SUPT20H: variants seen among roughly 807,000 people sequenced by gnomAD.
SUPT20H encodes the protein transcription factor SPT20 homolog.
A neutral mutation model predicts 122.8 loss-of-function variants in SUPT20H; 82 were observed. The ratio of observed to expected loss-of-function variants is 0.67; its 90% CI spans 0.56 to 0.80. The LOEUF is 0.80. Ranked by LOEUF, SUPT20H falls within the 30% of genes least tolerant of loss-of-function variation. The probability of loss-of-function intolerance (pLI) is 0.00; values close to 1 mark genes in which losing one functional copy is unlikely to be tolerated. For synonymous variants in SUPT20H, 291 were observed against 313.0 expected, an observed-to-expected ratio of 0.93 and a Z score of 0.74; for missense variants, 831 against 921.6, an observed-to-expected ratio of 0.90 and a Z score of 1.27.
Position 37,037,842 on chromosome 13 carries a change from T to C in SUPT20H, c.567+2563A>G, listed in dbSNP as rs574493598. 6.4e-4 allele frequency among the ~76,000 whole-genome samples: 97 copies of C among 152,132 alleles called. 2 individuals carry two copies. Among genetic ancestry groups the C allele is most frequent in the African/African-American group, 2.3e-3 (95 of 41,522 alleles). On this transcript the variant is annotated intron_variant, in intron 9 of 25. Coordinates refer to ENST00000350612, the MANE Select transcript of SUPT20H (RefSeq NM_001014286.3). ...TGAAATATCTTGATAACTAAGGCTA[T>C]TTTTTTTAAAAAAGTGAATCAATTA...
At chr13:37,013,831 G>C (rs771935047) in intron 23 of SUPT20H, 2 of 151,972 alleles carry the variant, frequency 1.3e-5, no homozygotes, top group Non-Finnish European at 1.5e-5. Flanking sequence ...ACACATTATT[G>C]AATTTGGAAC....
intron 22 of SUPT20H, among the ~76,000 whole-genome samples, chr13:37,017,929 A>G (rs189779913): frequency 2.6e-3 from 401 of 152,310 alleles, no homozygotes; most frequent in Non-Finnish European, 4.7e-3. Flanking sequence ...ATTAAAAAAC[A>G]ATTTTTAAAG....
intron 21 of SUPT20H, among the ~76,000 whole-genome samples, chr13:37,020,614 T>C (rs1192647823): frequency 2.0e-5 from 3 of 152,322 alleles, no homozygotes. Context: ...GGCACACTTA[T>C]GCTTATTAAA....
At chr13:37,027,298 CTG>C (rs1338972327) in intron 14 of SUPT20H, among the ~76,000 whole-genome samples, 2 of 151,516 alleles carry the variant, frequency 1.3e-5, no homozygotes, top group African/African-American at 4.8e-5. Flanking sequence ...CAGAAATAAA[CTG>C]TTGTGATGTC....
chr13:37,014,778 T>TA (rs2060154015), intron 23 of SUPT20H, among the ~76,000 whole-genome samples: 2 of 152,176 alleles, frequency 1.3e-5, no homozygotes. Context: ...AGCTTCCACT[T>TA]ACGAAACTAC....
intron 1 of SUPT20H, chr13:37,059,146 G>C (rs971321756): frequency 1.3e-5 from 2 of 152,132 alleles, no homozygotes; most frequent in African/African-American, 4.8e-5. Flanking sequence ...TTCCCTGATC[G>C]ACCAGAGTCT....
At chr13:37,030,357 G>A (rs915299808) in intron 12 of SUPT20H, among the ~76,000 whole-genome samples, 1 of 152,162 alleles carries the variant, frequency 6.6e-6, no homozygotes, top group African/African-American at 2.4e-5. Flanking sequence ...AGGCATCTGT[G>A]TGAGTCAAAT....
At chr13:37,043,501 G>GT (rs1336136762) in intron 7 of SUPT20H, among the ~76,000 whole-genome samples, 14 of 152,146 alleles carry the variant, frequency 9.2e-5, no homozygotes, top group Non-Finnish European at 2.1e-4. Flanking sequence ...TTTCTTGATT[G>GT]TAACTATAGG....
At chr13:37,029,869 A>G (rs1441401738) in intron 12 of SUPT20H, 33 bp from the exon 13 acceptor site, 1 of 1,499,806 alleles carries the variant, frequency 6.7e-7, no homozygotes, top group Non-Finnish European at 9.1e-7. Flanking sequence ...ACCACATAAA[A>G]TAGAATCCAT....
chr13:37,036,879 C>T (rs984236680), intron 9 of SUPT20H, among the ~76,000 whole-genome samples: 3 of 151,934 alleles, frequency 2.0e-5, no homozygotes, highest in African/African-American at 7.3e-5. Context: ...GAATACAGAG[C>T]ACAATACACA....
chr13:37,054,633 A>C (rs908697873), intron 1 of SUPT20H, among the ~76,000 whole-genome samples: 12 of 152,324 alleles, frequency 7.9e-5, no homozygotes, highest in Middle Eastern at 6.8e-3. Flanking sequence ...AATAAGAGCT[A>C]TTTATGACAA....
chr13:37,057,315 T>G (rs2069314863), intron 1 of SUPT20H, among the ~76,000 whole-genome samples: 1 of 151,144 alleles, frequency 6.6e-6, no homozygotes, highest in African/African-American at 2.4e-5. Context: ...AAGTTAGAAA[T>G]AAAAATAAAT....
At chr13:37,053,298 A>G (rs1282804584) in intron 1 of SUPT20H, among the ~76,000 whole-genome samples, 2 of 152,204 alleles carry the variant, frequency 1.3e-5, no homozygotes, top group African/African-American at 4.8e-5. Flanking sequence ...GATAGACTGG[A>G]TAAAGAAAGG....
chr13:37,017,422 A>T (rs1394188393), intron 22 of SUPT20H, 58 bp from the exon 23 acceptor site: 1 of 1,479,502 alleles, frequency 6.8e-7, no homozygotes, highest in Non-Finnish European at 9.1e-7. Flanking sequence ...TCAAATATTT[A>T]AATTTATTCT....
In SUPT20H at chr13:37,021,315, AG is replaced by A. The variant is rs1448122580; in HGVS notation, c.1816+132del. On this transcript the variant is annotated intron_variant, in intron 21 of 25. Coordinates refer to ENST00000350612, the MANE Select transcript of SUPT20H (RefSeq NM_001014286.3). Reference sequence around the variant, plus strand: ...TGCCAGAACTTTTAAAGGCTTTTTAAGTGAAATATATGTGATACAACACTTC... The same window carrying A: ...TGCCAGAACTTTTAAAGGCTTTTTAATGAAATATATGTGATACAACACTTC... The A allele has an allele frequency of 3.1e-6, 3 of 968,848 alleles. No homozygotes were observed. In the African/African-American group the frequency reaches 5.1e-5, roughly 16 times the overall value. 60.0% of individuals were successfully genotyped at this position (968,848 alleles called of 1,614,324 possible).
At chr13:37,049,431 T>A (rs1490778695) in intron 2 of SUPT20H, among the ~76,000 whole-genome samples, 1 of 152,020 alleles carries the variant, frequency 6.6e-6, no homozygotes, top group Admixed American at 6.6e-5. Context: ...TGAATAAAAG[T>A]ACTAGGTTCT....
rs2065988442 is a variant in SUPT20H, at chr13:37,044,160, G to C, written c.314C>G (p.Pro105Arg). Residue 105 changes from proline to arginine, a missense_variant, in exon 7 of 26, where the codon CCC (proline) becomes CGC (arginine). Coordinates refer to ENST00000350612, the MANE Select transcript of SUPT20H (RefSeq NM_001014286.3). ...TTCAAGCAACTCTCCTTCTTCATAG[G>C]GCAGTCGAATGGTCTCGGAATCTTA... ...NGSDSETIRL[P>R]YEEGELLEYL... 6.2e-7 allele frequency: 1 copy of C among 1,611,794 alleles called. No individual in the cohort carries two copies. Among genetic ancestry groups the C allele is most frequent in the South Asian group, 1.1e-5 (1 of 90,634 alleles).
rs1419879236 is a variant in SUPT20H, at chr13:37,055,771, T to C, written c.-94+3788A>G. ...CAAAAGCCAAAATTGACAAATGGGA[T>C]CTAATTAAACTAAAGAGCTTCTGCA... On this transcript the variant is annotated intron_variant, in intron 1 of 25. Transcript: ENST00000350612. Among the ~76,000 whole-genome samples, 183 of 152,192 alleles carry C rather than the reference T, an allele frequency of 1.2e-3. 1 individual carries two copies. Among genetic ancestry groups the C allele is most frequent in the Non-Finnish European group, 1.0e-4 (7 of 68,012 alleles).
Position 37,022,850 on chromosome 13 carries a change from G to A in SUPT20H, c.1592-770C>T. The A allele has an allele frequency of 1.9e-6, 2 of 1,068,630 alleles. No homozygotes were observed. Among genetic ancestry groups the A allele is most frequent in the Non-Finnish European group, 2.3e-6 (2 of 871,524 alleles). The allele number at this position is 1,068,630 out of a possible 1,614,324, so 66.2% of individuals were successfully genotyped here. A position where few individuals can be genotyped will look rare whatever the true frequency, so the allele number is the denominator to read the frequency against. ...CAAATTTACAAAAAACAGTAATAAA[G>A]CAAATATCTGAGAGATAATACTGCA... is the stretch of plus-strand genomic sequence containing the variant. On this transcript the variant is annotated intron_variant, in intron 19 of 25. Transcript: ENST00000350612. This position sits in a 1 kb window ranked among gnomAD's most constrained non-coding sequence, Gnocchi z 4.5.
Sources: allele counts gnomAD v4.1 joint callset (sites outside exome capture counted in the v4.1 genomes callset), GRCh38; gene constraint gnomAD v4.1.1; non-coding constraint Gnocchi (gnomAD v3.1); transcripts MANE v1.5; gene names NCBI Gene and HGNC (gene_info 2026-07-23, HGNC 2026-07-21).